ELN: variants seen among roughly 807,000 people sequenced by gnomAD.
The protein encoded by ELN is elastin.
ELN carries 65 observed loss-of-function variants against 105.8 expected under a neutral mutation model. That is an observed-to-expected ratio of 0.61 (90% CI 0.50 to 0.75). The LOEUF (loss-of-function observed/expected upper bound fraction) is 0.75. ELN is among the 30% of genes least tolerant of loss of function. The pLI, the probability that ELN is intolerant of heterozygous loss-of-function variation, is 0.00. For synonymous variants in ELN, 368 were observed against 389.2 expected, an observed-to-expected ratio of 0.95 and a Z score of 0.64; for missense variants, 882 against 969.4, an observed-to-expected ratio of 0.91 and a Z score of 1.20.
rs781839094 is a variant in ELN at position 74,053,274 on chromosome 7, T to C, written c.1061T>C (p.Val354Ala). The C allele has an allele frequency of 6.2e-7, 1 of 1,613,700 alleles. No individual in the cohort carries two copies. Among genetic ancestry groups the C allele is most frequent in the South Asian group, 1.1e-5 (1 of 91,030 alleles). ...VGVPGAGIPV[V>A]PGAGIPGAAV... is the part of the protein sequence containing the mutation. ...GTCCCAGGAGCTGGGATTCCAGTTG[T>C]CCCAGGTGCTGGGATCCCAGGTGCT... is the stretch of plus-strand genomic sequence containing the variant. The change falls in exon 18 of 33, where the codon GTC (valine) becomes GCC (alanine). Residue 354 changes from valine (V) to alanine (A), a missense_variant. Val to Ala is a moderately conservative substitution (Grantham distance 64). Transcript: ENST00000252034.
At chr7:74,064,369 C>T (rs1178310354) in intron 29 of ELN, among the ~76,000 whole-genome samples, 12 of 150,392 alleles carry the variant, frequency 8.0e-5, no homozygotes, top group East Asian at 3.9e-4. Flanking sequence ...GAGCCGAGAT[C>T]GCGCCACTGC....
chr7:74,059,405 A>G (rs1389646357), intron 22 of ELN, among the ~76,000 whole-genome samples: 1 of 152,164 alleles, frequency 6.6e-6, no homozygotes, highest in Non-Finnish European at 1.5e-5. Flanking sequence ...CTCCTGGCCA[A>G]ATGCAGCAGC....
At position 74,037,687 on chromosome 7, in the gene ELN, A is replaced by G. The variant is rs374252054; in HGVS notation, c.164-20A>G. The G allele has an allele frequency of 6.2e-7, 1 of 1,610,676 alleles. No homozygotes were observed. The highest frequency in any genetic ancestry group is 8.5e-7 in the Non-Finnish European group (1 of 1,178,708). ...GATAAGCTGGGCCACCCCATTCACT[A>G]TCTTCTCTTCCCTCTGCAGCGCTGG... On this transcript the variant is annotated intron_variant, in intron 3 of 32. Transcript: ENST00000252034.
At chr7:74,067,499 C>T (rs1554689886) in intron 32 of ELN, among the ~76,000 whole-genome samples, 1 of 151,764 alleles carries the variant, frequency 6.6e-6, no homozygotes, top group African/African-American at 2.4e-5. Context: ...AACTCCTGAC[C>T]TCGTGATCCG....
At chr7:74,059,617 G>A in intron 22 of ELN, 1 of 563,864 alleles carries the variant, frequency 1.8e-6, no homozygotes, top group South Asian at 2.1e-5. Flanking sequence ...TCGGGAGGTG[G>A]TGGTTGCAGT....
At chr7:74,039,425 C>G (rs1207814970) in intron 4 of ELN, among the ~76,000 whole-genome samples, 2 of 152,256 alleles carry the variant, frequency 1.3e-5, no homozygotes, top group African/African-American at 4.8e-5. Flanking sequence ...CCCAGGGAGG[C>G]CCCCACATCC....
chr7:74,056,755 C>T (rs544627350), intron 21 of ELN, 42 bp downstream of exon 21: 112 of 1,612,952 alleles, frequency 6.9e-5, no homozygotes, highest in South Asian at 1.2e-4. Context: ...CCTGCTCTCC[C>T]GCGGGGCTCA....
Position 74,054,782 on chromosome 7 carries a change from C to T in ELN, c.1150+13C>T. ...GCAGCCAAATACGGTGAGTGCTATG[C>T]TGACAGCTCTGCCCCACCCTGTCCT... On this transcript the variant is annotated intron_variant, in intron 19 of 32. Coordinates refer to ENST00000252034, the MANE Select transcript of ELN (RefSeq NM_000501.4). The T allele has an allele frequency of 6.2e-7, 1 of 1,613,858 alleles. No individual in the cohort carries two copies. The highest frequency in any genetic ancestry group is 8.5e-7 in the Non-Finnish European group (1 of 1,180,010).
At chr7:74,048,328 C>G (rs1320046937) in intron 14 of ELN, 127 bp downstream of exon 14, 1 of 1,517,266 alleles carries the variant, frequency 6.6e-7, no homozygotes, top group East Asian at 2.3e-5. Context: ...TGGTCCAAAC[C>G]TGGAGCAGGA....
At chr7:74,065,619 A>G in intron 29 of ELN, 75 bp from the exon 30 acceptor site, 2 of 1,272,812 alleles carry the variant, frequency 1.6e-6, no homozygotes, top group Non-Finnish European at 2.1e-6. Context: ...GCCTCAAGAA[A>G]AAAAAAAAAA....
At chr7:74,049,365 C>T (rs949276425) in intron 15 of ELN, among the ~76,000 whole-genome samples, 21 of 145,888 alleles carry the variant, frequency 1.4e-4, no homozygotes, top group South Asian at 4.6e-4. Context: ...CATCCATCCA[C>T]GCATCCATCC....
chr7:74,052,060 A>C, intron 17 of ELN, 77 bp downstream of exon 17: 1 of 1,562,318 alleles, frequency 6.4e-7, no homozygotes, highest in Middle Eastern at 2.3e-4. Flanking sequence ...GCAAAGCCAG[A>C]TGGACTTGGC....
chr7:74,068,167 G>C (rs1245223132), intron 32 of ELN, among the ~76,000 whole-genome samples: 2 of 152,252 alleles, frequency 1.3e-5, no homozygotes, highest in Middle Eastern at 3.4e-3. Flanking sequence ...TCCTGGGTTT[G>C]AGTCCCAGCT....
intron 4 of ELN, 118 bp from the exon 5 acceptor site, chr7:74,041,098 A>T (rs1466572373): frequency 7.5e-7 from 1 of 1,328,890 alleles, no homozygotes; most frequent in Non-Finnish European, 1.1e-6. Context: ...TCACAGGCTT[A>T]GGGACCAGCC....
At chr7:74,065,807 C>T in intron 30 of ELN, 75 bp downstream of exon 30, 1 of 1,611,132 alleles carries the variant, frequency 6.2e-7, no homozygotes, top group Non-Finnish European at 8.5e-7. Context: ...TCCCCCAGCC[C>T]AGCTCAGGCC....
chr7:74,039,150 G>A (rs1584511819), intron 4 of ELN, among the ~76,000 whole-genome samples: 1 of 152,338 alleles, frequency 6.6e-6, no homozygotes, highest in South Asian at 2.1e-4. Flanking sequence ...CACATAGCAG[G>A]TTGTGGTTAA....
chr7:74,035,729 T>C, intron 2 of ELN: 1 of 432,098 alleles, frequency 2.3e-6, no homozygotes, highest in Non-Finnish European at 4.3e-6. Context: ...CACACAAATT[T>C]AAAATTAGCC....
intron 18 of ELN, among the ~76,000 whole-genome samples, chr7:74,053,648 A>T (rs1281251084): frequency 6.6e-6 from 1 of 151,934 alleles, no homozygotes; most frequent in African/African-American, 2.4e-5. Flanking sequence ...GGATAGATGG[A>T]TAAGTGGATG....
chr7:74,051,884 C>T, intron 16 of ELN, 40 bp from the exon 17 acceptor site: 1 of 1,614,108 alleles, frequency 6.2e-7, no homozygotes, highest in African/African-American at 1.3e-5. Context: ...TTGAGATGGC[C>T]ACAGGGCAAG....
Sources: allele counts gnomAD v4.1 joint callset (sites outside exome capture counted in the v4.1 genomes callset), GRCh38; gene constraint gnomAD v4.1.1; transcripts MANE v1.5; gene names NCBI Gene and HGNC (gene_info 2026-07-23, HGNC 2026-07-21).